PCDHA1: variants seen among roughly 807,000 people sequenced by gnomAD.
PCDHA1 encodes protocadherin alpha 1, also known as protocadherin alpha-1.
A neutral mutation model predicts 61.3 loss-of-function variants in PCDHA1; 42 were observed. That is an observed-to-expected ratio of 0.69 (90% CI 0.54 to 0.89). The LOEUF (loss-of-function observed/expected upper bound fraction) is 0.89, where lower values mean the gene tolerates loss of function less well. PCDHA1 is among the 40% of genes least tolerant of loss of function. PCDHA1 has a pLI of 0.00. For missense variants in PCDHA1, 1,256 were observed against 1,235.3 expected (o/e 1.02, Z -0.25); for synonymous variants, 610 against 553.8 (o/e 1.10, Z -1.43).
chr5:140,872,729 A>T (rs578008508), intron 1 of PCDHA1, among the ~76,000 whole-genome samples: 15 of 152,366 alleles, frequency 9.8e-5, no homozygotes, highest in African/African-American at 3.6e-4. Flanking sequence ...AAATTATTCA[A>T]ATTATCTAAA....
intron 1 of PCDHA1, among the ~76,000 whole-genome samples, chr5:140,846,830 A>G (rs965797545): frequency 6.7e-6 from 1 of 149,758 alleles, no homozygotes; most frequent in Admixed American, 6.7e-5. Context: ...AATAAAGAAT[A>G]TGAGTCACAC....
rs1296767379 is a variant in PCDHA1 at position 140,898,372 on chromosome 5, T to C, written c.2395-80577T>C. ...ATCTTGAATTAATTTTTGTATAAGG[T>C]GTAAGGAAGGGATCCAGTTTCAGCT... On this transcript the variant is annotated intron_variant, in intron 1 of 3. Coordinates refer to ENST00000504120, the MANE Select transcript of PCDHA1 (RefSeq NM_018900.4). Among the ~76,000 whole-genome samples, 5 of 152,320 alleles carry C rather than the reference T, an allele frequency of 3.3e-5. No individual in the cohort carries two copies. In the East Asian group the frequency reaches 9.6e-4, roughly 29 times the overall value.
At chr5:140,816,594 T>C (rs1765954434) in intron 1 of PCDHA1, 1 of 152,074 alleles carries the variant, frequency 6.6e-6, no homozygotes, top group South Asian at 2.1e-4. Flanking sequence ...TTACTTTGTG[T>C]TGATATCTAT....
At chr5:140,900,032 A>G (rs1439772684) in intron 1 of PCDHA1, among the ~76,000 whole-genome samples, 1 of 151,930 alleles carries the variant, frequency 6.6e-6, no homozygotes, top group Non-Finnish European at 1.5e-5. Context: ...TTGGCCTTGA[A>G]TTCCTGGGCT....
rs782413772 is a variant in PCDHA1, at chr5:140,809,173, G to A, written c.2394+20489G>A. ...ACGGCGAGCCCGCGCTGACGGCCAC[G>A]GCCACTGTGCTGGTGTCACTTGTGG... On this transcript the variant is annotated intron_variant, in intron 1 of 3. Coordinates refer to ENST00000504120, the MANE Select transcript of PCDHA1 (RefSeq NM_018900.4). 4.3e-6 allele frequency: 7 copies of A among 1,613,974 alleles called. No homozygotes were observed. In the South Asian group the frequency reaches 6.6e-5, roughly 15 times the overall value.
chr5:140,980,021 A>C (rs1472439975), intron 2 of PCDHA1, among the ~76,000 whole-genome samples: 2 of 152,248 alleles, frequency 1.3e-5, no homozygotes. Context: ...AAATGAGCAG[A>C]AATCATTACA....
Position 140,801,313 on chromosome 5 carries a change from C to T in PCDHA1, c.2394+12629C>T, listed in dbSNP as rs1489581574. The T allele has an allele frequency of 3.1e-6, 5 of 1,613,302 alleles. No homozygotes were observed. In the East Asian group the frequency reaches 6.7e-5, roughly 22 times the overall value. The stretch of plus-strand genomic sequence containing the variant: ...CTCCACTACTCCGTCTCTGAGGAGG[C>T]CAAGCATGGCACCTTCGTGGGCCGC... On this transcript the variant is annotated intron_variant, in intron 1 of 3. Transcript: ENST00000504120.
chr5:140,946,516 C>G (rs551838143), intron 1 of PCDHA1, among the ~76,000 whole-genome samples: 1 of 151,020 alleles, frequency 6.6e-6, no homozygotes, highest in Non-Finnish European at 1.5e-5. Context: ...AAGACCTATC[C>G]GCACTCCCAT....
chr5:140,964,747 G>C (rs1170890203), intron 1 of PCDHA1, among the ~76,000 whole-genome samples: 3 of 151,868 alleles, frequency 2.0e-5, no homozygotes, highest in Non-Finnish European at 4.4e-5. Context: ...AATTATTGTA[G>C]GGATGTTTGG....
intron 1 of PCDHA1, chr5:140,881,365 T>G (rs1216010175): frequency 2.0e-6 from 2 of 985,144 alleles, no homozygotes; most frequent in Non-Finnish European, 2.4e-6. Context: ...GGCTTTCGTA[T>G]GAATTGCAGC....
intron 2 of PCDHA1, among the ~76,000 whole-genome samples, chr5:140,981,989 A>G (rs1343187322): frequency 2.0e-5 from 3 of 152,236 alleles, no homozygotes; most frequent in African/African-American, 4.8e-5. Flanking sequence ...AAAATAGAAA[A>G]TAAGGTTAAG....
At chr5:140,872,400 G>A (rs1582078480) in intron 1 of PCDHA1, among the ~76,000 whole-genome samples, 1 of 152,124 alleles carries the variant, frequency 6.6e-6, no homozygotes, top group Admixed American at 6.5e-5. Context: ...GCTGAGGCAG[G>A]AGAATTGCTT....
At chr5:141,009,529 T>G in intron 3 of PCDHA1, 98 bp from the exon 4 acceptor site, 1 of 1,505,630 alleles carries the variant, frequency 6.6e-7, no homozygotes, top group Non-Finnish European at 8.9e-7. Context: ...TCTGGGGAGG[T>G]TCAGCCTGCC....
rs147581214 is a variant in PCDHA1, at chr5:140,857,154, C to G, written c.2394+68470C>G. 87 of 1,598,228 alleles carry G rather than the reference C, an allele frequency of 5.4e-5. 8 individuals carry two copies. Among genetic ancestry groups the G allele is most frequent in the Non-Finnish European group, 7.1e-5 (83 of 1,167,802 alleles). On this transcript the variant is annotated intron_variant, in intron 1 of 3. Coordinates refer to ENST00000504120, the MANE Select transcript of PCDHA1 (RefSeq NM_018900.4). ...GATGCTCAAGTGGGCACCGTCATTG[C>G]CCTAATCAGCGTTTCTGACCATGAT...
intron 1 of PCDHA1, chr5:140,968,774 C>T (rs2096269643): frequency 6.2e-7 from 1 of 1,614,088 alleles, no homozygotes. Flanking sequence ...AGAGCCATCA[C>T]TATCAGCCTC....
At chr5:140,992,514 G>A (rs1256283066) in intron 3 of PCDHA1, among the ~76,000 whole-genome samples, 1 of 152,176 alleles carries the variant, frequency 6.6e-6, no homozygotes, top group Non-Finnish European at 1.5e-5. Flanking sequence ...CTGGGGCATG[G>A]TAGCTAATGG....
chr5:140,869,918 G>A, intron 1 of PCDHA1: 1 of 1,611,272 alleles, frequency 6.2e-7, no homozygotes. Context: ...CGAGACGAAG[G>A]AGTCAATGGA....
intron 1 of PCDHA1, chr5:140,969,209 A>G (rs1586360550): frequency 1.2e-6 from 2 of 1,614,194 alleles, no homozygotes; most frequent in Non-Finnish European, 1.7e-6. Context: ...AGGGGCCCAG[A>G]CAGGACCAGG....
Position 140,809,071 on chromosome 5 carries a change from T to G in PCDHA1, c.2394+20387T>G, listed in dbSNP as rs1472268420. ...TCCCGTTCCGCGTGGGGCTGTACAC[T>G]GGCGAGATCAGCACAACGCGTGCCC... On this transcript the variant is annotated intron_variant, in intron 1 of 3. Transcript: ENST00000504120. 11 of 1,613,780 alleles carry G rather than the reference T, an allele frequency of 6.8e-6. No individual in the cohort carries two copies. The African/African-American group carries it at 1.2e-4, about 18-fold the overall frequency.
Sources: allele counts gnomAD v4.1 joint callset (sites outside exome capture counted in the v4.1 genomes callset), GRCh38; gene constraint gnomAD v4.1.1; transcripts MANE v1.5; gene names NCBI Gene and HGNC (gene_info 2026-07-23, HGNC 2026-07-21).